The following EIF5B variants were observed in gnomAD, a reference collection of about 807,000 sequenced individuals.
The protein encoded by EIF5B is eIF-5B.
A neutral mutation model predicts 147.5 loss-of-function variants in EIF5B; 47 were observed. That is an observed-to-expected ratio of 0.32 (90% CI 0.25 to 0.41). EIF5B has a LOEUF of 0.41. EIF5B is among the 10% of genes least tolerant of loss of function. EIF5B has a pLI of 1.00. For missense variants in EIF5B, 1,064 were observed against 1,413.2 expected, an observed-to-expected ratio of 0.75 and a Z score of 3.96; for synonymous variants, 455 against 456.2, an observed-to-expected ratio of 1.00 and a Z score of 0.03.
intron 1 of EIF5B, among the ~76,000 whole-genome samples, chr2:99,355,722 C>T (rs964329388): frequency 6.7e-6 from 1 of 149,998 alleles, no homozygotes; most frequent in East Asian, 2.0e-4. Flanking sequence ...AAGCAATTCT[C>T]CTGCCCCAGT....
chr2:99,338,735 G>C (rs1426842648), intron 1 of EIF5B, among the ~76,000 whole-genome samples: 1 of 151,800 alleles, frequency 6.6e-6, no homozygotes, highest in Non-Finnish European at 1.5e-5. Context: ...GTGATGTAGG[G>C]GAACACAAAT....
At chr2:99,356,504 ATT>A (rs913502237) in intron 1 of EIF5B, among the ~76,000 whole-genome samples, 23 of 152,310 alleles carry the variant, frequency 1.5e-4, no homozygotes, top group African/African-American at 5.5e-4. Flanking sequence ...ATAATTTAAT[ATT>A]GTTACTTAAT....
chr2:99,369,044 G>A (rs530214657), intron 7 of EIF5B, among the ~76,000 whole-genome samples: 5 of 152,300 alleles, frequency 3.3e-5, no homozygotes, highest in Non-Finnish European at 5.9e-5. Context: ...AGGCTGAGGC[G>A]GGCGGATCAC....
intron 1 of EIF5B, among the ~76,000 whole-genome samples, chr2:99,355,339 G>T (rs553277255): frequency 2.6e-5 from 4 of 152,056 alleles, no homozygotes; most frequent in Non-Finnish European, 5.9e-5. Context: ...ATCTTGCTGA[G>T]ATTTTTATTG....
In EIF5B at chr2:99,361,311, G is replaced by A; in HGVS notation, c.410G>A (p.Ser137Asn). 3 of 1,609,156 alleles carry A rather than the reference G, an allele frequency of 1.9e-6. No homozygotes were observed. Among genetic ancestry groups the A allele is most frequent in the Middle Eastern group, 3.3e-4 (2 of 6,040 alleles). ...CCGAAAGTGGAAATGTACTCTGGGA[G>A]TGATGATGATGATGATTTTAACAAA... ...AKPKVEMYSG[S>N]DDDDDFNKLP... is the part of the protein sequence containing the mutation. Residue 137 changes from serine to asparagine, a missense_variant, in exon 4 of 24, where the codon AGT becomes AAT. Physicochemically the swap from Ser to Asn is conservative, Grantham distance 46. This residue lies in a region of EIF5B where 458 missense variants were observed against 451.3 expected (regional missense o/e 1.01). Coordinates refer to ENST00000289371, the MANE Select transcript of EIF5B (RefSeq NM_015904.4).
At chr2:99,396,295 T>C in intron 21 of EIF5B, among the ~76,000 whole-genome samples, 1 of 152,214 alleles carries the variant, frequency 6.6e-6, no homozygotes, top group East Asian at 1.9e-4. Context: ...TTTGGATCAA[T>C]GGTTTGGGAA....
At chr2:99,387,410 T>C (rs1259214073) in intron 14 of EIF5B, among the ~76,000 whole-genome samples, 2 of 152,150 alleles carry the variant, frequency 1.3e-5, no homozygotes, top group African/African-American at 2.4e-5. Flanking sequence ...GACTCTTTGC[T>C]GAAAAAATTA....
chr2:99,363,495 T>C, intron 4 of EIF5B, 150 bp from the exon 5 acceptor site: 1 of 745,016 alleles, frequency 1.3e-6, no homozygotes, highest in South Asian at 1.9e-5. Flanking sequence ...ACCAAAGTGC[T>C]CAGGATGCCT....
Position 99,382,966 on chromosome 2 carries a change from T to G in EIF5B, c.2271+45T>G, listed in dbSNP as rs763130535. 3 of 1,526,776 alleles carry G rather than the reference T, an allele frequency of 2.0e-6. No homozygotes were observed. In the African/African-American group the frequency reaches 4.2e-5, roughly 21 times the overall value. The allele number at this position is 1,526,776 out of a possible 1,614,324, so 94.6% of individuals were successfully genotyped here. A position where few individuals can be genotyped will look rare whatever the true frequency, so the allele number is the denominator to read the frequency against. On this transcript the variant is annotated intron_variant, in intron 14 of 23. Coordinates refer to ENST00000289371, the MANE Select transcript of EIF5B (RefSeq NM_015904.4). ...AATTAACCTAGGAAAACATGTTTCT[T>G]AATTTTTTGTGATTAAAAAAAGTAG...
intron 14 of EIF5B, among the ~76,000 whole-genome samples, chr2:99,388,419 G>T (rs1559259059): frequency 9.0e-6 from 1 of 111,022 alleles, no homozygotes; most frequent in East Asian, 2.1e-4. Flanking sequence ...GTCAGCTGCA[G>T]GGTTTTTGTT....
chr2:99,397,008 A>G lies in EIF5B; in HGVS notation c.3393+110A>G, dbSNP rs1675065609. On this transcript the variant is annotated intron_variant, in intron 22 of 23. Coordinates refer to ENST00000289371, the MANE Select transcript of EIF5B (RefSeq NM_015904.4). ...TGTAGTTCACAGTACTGTGCTGTGT[A>G]TTTAGTGTGGTCTCCACCTTCTTAA... The G allele has an allele frequency of 1.5e-5, 19 of 1,228,716 alleles. 1 individual carries two copies. The highest frequency in any genetic ancestry group is 4.1e-4 in the Middle Eastern group (2 of 4,928). 76.1% of individuals were successfully genotyped at this position (1,228,716 alleles called of 1,614,324 possible). A position where few individuals can be genotyped will look rare whatever the true frequency, so the allele number is the denominator to read the frequency against.
intron 12 of EIF5B, among the ~76,000 whole-genome samples, chr2:99,381,518 GGTGTGTGT>G (rs56686088): frequency 1.4e-5 from 2 of 143,074 alleles, no homozygotes; most frequent in South Asian, 2.3e-4. Context: ...ACAAAAAGGG[GGTGTGTGT>G]GTGTGTGTGT....
chr2:99,337,622 C>A, intron 1 of EIF5B, 33 bp downstream of exon 1: 3 of 1,594,734 alleles, frequency 1.9e-6, no homozygotes, highest in Non-Finnish European at 2.6e-6. Context: ...CGGCGGCGGC[C>A]GCCGTGGCTC....
chr2:99,337,529 G>C lies in EIF5B; in HGVS notation c.-26G>C. On this transcript the variant is annotated 5_prime_UTR_variant, in exon 1 of 24. Transcript: ENST00000289371. ...CTGTGAGAGACCGAATAGAGGGGCT[G>C]GGGCCACGAGCGCCATTGACAAGCA... The C allele has an allele frequency of 1.2e-6, 2 of 1,610,364 alleles. No homozygotes were observed. The highest frequency in any genetic ancestry group is 1.7e-6 in the Non-Finnish European group (2 of 1,178,308).
At position 99,394,781 on chromosome 2, in the gene EIF5B, G is replaced by A; in HGVS notation, c.3152G>A (p.Ser1051Asn). The A allele has an allele frequency of 1.2e-6, 2 of 1,613,456 alleles. No homozygotes were observed. Among genetic ancestry groups the A allele is most frequent in the Non-Finnish European group, 1.7e-6 (2 of 1,179,872 alleles). Residue 1051 changes from serine (S) to asparagine (N), a missense_variant, in exon 21 of 24, where the codon AGT becomes AAT. Transcript: ENST00000289371. ...IERDAQEMAD[S>N]LGVRIFSAEI... is the part of the protein sequence containing the mutation. ...CGAGATGCACAAGAAATGGCTGATA[G>A]TTTAGGAGTTAGAATTTTTAGTGCA... is the stretch of plus-strand genomic sequence containing the variant.
At chr2:99,358,744 G>C (rs1457192751) in intron 1 of EIF5B, among the ~76,000 whole-genome samples, 2 of 152,094 alleles carry the variant, frequency 1.3e-5, no homozygotes, top group Admixed American at 1.3e-4. Flanking sequence ...TCTGGTATGT[G>C]TACCCCTTTT....
In EIF5B at chr2:99,401,201, TGGC is replaced by T; in HGVS notation, c.*1788_*1790del. The T allele has an allele frequency of 4.8e-6, 6 of 1,259,698 alleles. No homozygotes were observed. The highest frequency in any genetic ancestry group is 7.0e-6 in the Non-Finnish European group (6 of 858,822). The allele number at this position is 1,259,698 out of a possible 1,614,324, so 78.0% of individuals were successfully genotyped here. A position where few individuals can be genotyped will look rare whatever the true frequency, so the allele number is the denominator to read the frequency against. The stretch of plus-strand genomic sequence containing the variant: ...TTTGCAAATACCTCACAAGCACTTA[TGGC>T]ACAGCTATCAGAGAGCATCAGGCTC... On this transcript the variant is annotated 3_prime_UTR_variant, in exon 24 of 24. Coordinates refer to ENST00000289371, the MANE Select transcript of EIF5B (RefSeq NM_015904.4).
intron 12 of EIF5B, among the ~76,000 whole-genome samples, chr2:99,380,119 G>A (rs755835149): frequency 6.6e-6 from 1 of 152,166 alleles, no homozygotes; most frequent in Non-Finnish European, 1.5e-5. Context: ...TGATTATTCA[G>A]TGATGGCTTA....
At chr2:99,350,715 C>T (rs949927729) in intron 1 of EIF5B, among the ~76,000 whole-genome samples, 2 of 152,142 alleles carry the variant, frequency 1.3e-5, no homozygotes, top group Non-Finnish European at 2.9e-5. Flanking sequence ...GCTGTCTCTT[C>T]ACTCTGTTGG....
Sources: allele counts gnomAD v4.1 joint callset (sites outside exome capture counted in the v4.1 genomes callset), GRCh38; gene constraint gnomAD v4.1.1; regional missense constraint gnomAD v4.1.1; transcripts MANE v1.5; gene names NCBI Gene and HGNC (gene_info 2026-07-23, HGNC 2026-07-21).